Variants in TSPAN7 observed in about 807,000 individuals in gnomAD.
TSPAN7 encodes the protein tetraspanin 7.
A neutral mutation model predicts 17.6 loss-of-function variants in TSPAN7; 1 was observed. The observed-to-expected ratio is 0.06, with a 90% CI of 0.02 to 0.27. The LOEUF (loss-of-function observed/expected upper bound fraction) is 0.27, where lower values mean the gene tolerates loss of function less well. TSPAN7 is among the 10% of genes least tolerant of loss of function. The pLI, the probability that TSPAN7 is intolerant of heterozygous loss-of-function variation, is 1.00. For missense variants in TSPAN7, 112 were observed against 201.7 expected (o/e 0.56, Z 2.69); for synonymous variants, 78 against 79.0 (o/e 0.99, Z 0.07).
At chrX:38,618,489 G>A (rs976591665) in intron 1 of TSPAN7, among the ~76,000 whole-genome samples, 11 of 111,864 alleles carry the variant, frequency 9.8e-5, no homozygotes, top group Middle Eastern at 4.6e-3. Context: ...AAGTCAGGGT[G>A]CATGAGGCAT....
chrX:38,584,048 G>T (rs2069243553), intron 1 of TSPAN7, among the ~76,000 whole-genome samples: 1 of 103,105 alleles, frequency 9.7e-6, no homozygotes, highest in Non-Finnish European at 2.0e-5. Flanking sequence ...CCACCTCCCG[G>T]ATTCATGCCA....
intron 6 of TSPAN7, among the ~76,000 whole-genome samples, chrX:38,685,637 A>T (rs1187648969): frequency 8.9e-6 from 1 of 111,918 alleles, no homozygotes; most frequent in African/African-American, 3.3e-5. Context: ...CAGGTTCTGT[A>T]TCCATGGATT....
chrX:38,620,667 C>T (rs769150798), intron 1 of TSPAN7, among the ~76,000 whole-genome samples: 7 of 111,577 alleles, frequency 6.3e-5, no homozygotes, highest in African/African-American at 3.3e-5. Flanking sequence ...GTCTACTGTC[C>T]ACCTTCAAGG....
chrX:38,600,514 G>A (rs150822311), intron 1 of TSPAN7, among the ~76,000 whole-genome samples: 86 of 111,618 alleles, frequency 7.7e-4, no homozygotes, highest in African/African-American at 2.3e-3. Flanking sequence ...AGGGAAGCAC[G>A]TAAGCTCTGC....
chrX:38,647,989 A>G (rs750293607), intron 1 of TSPAN7, among the ~76,000 whole-genome samples: 3 of 111,921 alleles, frequency 2.7e-5, no homozygotes, highest in Admixed American at 1.9e-4. Context: ...GACTTGGCCT[A>G]TGATTAAGGA....
At chrX:38,581,742 A>G (rs1451554170) in intron 1 of TSPAN7, among the ~76,000 whole-genome samples, 1 of 112,307 alleles carries the variant, frequency 8.9e-6, no homozygotes, top group Non-Finnish European at 1.9e-5. Flanking sequence ...AAAACTCTCC[A>G]AATTGCTGGC....
chrX:38,568,130 G>A (rs758543880), intron 1 of TSPAN7, among the ~76,000 whole-genome samples: 68 of 111,387 alleles, frequency 6.1e-4, no homozygotes, highest in Non-Finnish European at 1.1e-3. Flanking sequence ...GTTCTCAGAG[G>A]CATTTCTCCC....
chrX:38,605,307 A>G (rs1240197475), intron 1 of TSPAN7, among the ~76,000 whole-genome samples: 1 of 110,739 alleles, frequency 9.0e-6, no homozygotes, highest in African/African-American at 3.3e-5. Context: ...ACTCCCATTC[A>G]CAATTGCTTC....
chrX:38,565,113 T>C lies in TSPAN7; in HGVS notation c.81+3486T>C, dbSNP rs192991185. On this transcript the variant is annotated intron_variant, in intron 1 of 7. Coordinates refer to ENST00000378482, the MANE Select transcript of TSPAN7 (RefSeq NM_004615.4). ...CAGTTCAGTAAATGCAGTTGGTAAATCTTTCTTCAGCACTTAGAACTATGT... is the reference window on the plus strand; with the variant it reads ...CAGTTCAGTAAATGCAGTTGGTAAACCTTTCTTCAGCACTTAGAACTATGT... Among the ~76,000 whole-genome samples, 166 of 112,496 alleles carry C rather than the reference T, an allele frequency of 1.5e-3. 1 individual carries two copies. Among genetic ancestry groups the C allele is most frequent in the Non-Finnish European group, 2.3e-3 (123 of 53,317 alleles).
At chrX:38,647,433 A>C (rs2069651013) in intron 1 of TSPAN7, among the ~76,000 whole-genome samples, 1 of 112,048 alleles carries the variant, frequency 8.9e-6, no homozygotes, top group Non-Finnish European at 1.9e-5. Flanking sequence ...GTGATACAAA[A>C]TTTTGTGTCA....
chrX:38,653,256 T>C (rs1305273431), intron 1 of TSPAN7, among the ~76,000 whole-genome samples: 1 of 111,790 alleles, frequency 8.9e-6, no homozygotes, highest in Non-Finnish European at 1.9e-5. Context: ...GTTAACTCTG[T>C]TTCCAGACTG....
chrX:38,647,489 A>G (rs548230970), intron 1 of TSPAN7, among the ~76,000 whole-genome samples: 1 of 112,207 alleles, frequency 8.9e-6, no homozygotes, highest in African/African-American at 3.2e-5. Context: ...GGTACCAAAC[A>G]TACTATAAAA....
At chrX:38,605,766 A>C (rs1183919587) in intron 1 of TSPAN7, among the ~76,000 whole-genome samples, 1 of 110,714 alleles carries the variant, frequency 9.0e-6, no homozygotes, top group African/African-American at 3.3e-5. Flanking sequence ...GCATATCTAC[A>C]ACTATCTGAT....
chrX:38,646,313 G>A (rs2069645753), intron 1 of TSPAN7: 4 of 1,153,007 alleles, frequency 3.5e-6, no homozygotes, highest in Non-Finnish European at 4.6e-6. Context: ...TATGGCTTTG[G>A]TAAGTAAATT....
At chrX:38,646,221 A>G in intron 1 of TSPAN7, 5 of 1,119,774 alleles carry the variant, frequency 4.5e-6, no homozygotes, top group Non-Finnish European at 5.9e-6. Flanking sequence ...AATACCATAG[A>G]GCTTTTCTAT....
At chrX:38,581,513 A>G (rs960794579) in intron 1 of TSPAN7, among the ~76,000 whole-genome samples, 2 of 111,314 alleles carry the variant, frequency 1.8e-5, no homozygotes, top group African/African-American at 3.3e-5. Context: ...TCATGATTCA[A>G]TTACCTCCCA....
chrX:38,634,943 C>G (rs1050263266), intron 1 of TSPAN7, among the ~76,000 whole-genome samples: 40 of 110,677 alleles, frequency 3.6e-4, no homozygotes, highest in African/African-American at 1.3e-3. Context: ...AGCCCCTCCC[C>G]CAAGCACAAG....
At chrX:38,605,271 C>A (rs1204526543) in intron 1 of TSPAN7, among the ~76,000 whole-genome samples, 2 of 110,457 alleles carry the variant, frequency 1.8e-5, no homozygotes, top group African/African-American at 6.6e-5. Context: ...CGATAACAGA[C>A]AAACAGAGAG....
intron 1 of TSPAN7, among the ~76,000 whole-genome samples, chrX:38,607,935 G>T (rs965640440): frequency 2.1e-4 from 23 of 109,350 alleles, no homozygotes; most frequent in Admixed American, 4.9e-4. Context: ...AATGAGTATT[G>T]AATGGCTTCA....
Sources: gnomAD v4.1 joint callset for allele counts (sites outside exome capture counted in the v4.1 genomes callset) on GRCh38, gnomAD v4.1.1 for gene constraint, MANE v1.5 for transcripts, NCBI Gene and HGNC (gene_info 2026-07-23, HGNC 2026-07-21) for gene names.